Variants in NKD2 observed in about 807,000 individuals in gnomAD.
NKD2 encodes protein naked cuticle homolog 2.
A neutral mutation model predicts 34.8 loss-of-function variants in NKD2; 43 were observed. That is an observed-to-expected ratio of 1.24 (90% CI 0.97 to 1.60). The LOEUF (loss-of-function observed/expected upper bound fraction) is 1.60, where lower values mean the gene tolerates loss of function less well. Among genes scored for constraint, NKD2 ranks in the 40% most tolerant of loss-of-function variants. NKD2 has a pLI of 0.00. For synonymous variants in NKD2, 278 were observed against 265.1 expected (o/e 1.05, Z -0.47); for missense variants, 675 against 627.1 (o/e 1.08, Z -0.82).
At chr5:1,016,381 G>A (rs141625030) in intron 3 of NKD2, among the ~76,000 whole-genome samples, 39 of 152,380 alleles carry the variant, frequency 2.6e-4, no homozygotes, top group Non-Finnish European at 4.7e-4. Flanking sequence ...CCTGTCCTGC[G>A]CAGAGCTGGA....
intron 3 of NKD2, among the ~76,000 whole-genome samples, chr5:1,018,135 A>G (rs1393591010): frequency 6.6e-6 from 1 of 152,102 alleles, no homozygotes; most frequent in Non-Finnish European, 1.5e-5. Context: ...AGGAAGAAGA[A>G]TGGCGGCCCC....
chr5:1,028,024 C>G (rs1244860160), intron 3 of NKD2, among the ~76,000 whole-genome samples: 1 of 152,218 alleles, frequency 6.6e-6, no homozygotes, highest in Non-Finnish European at 1.5e-5. Context: ...GGGGAACACA[C>G]TCCTTTTGAC....
chr5:1,037,472 G>C (rs1007169115), intron 9 of NKD2: 195 of 1,500,526 alleles, frequency 1.3e-4, no homozygotes, highest in Non-Finnish European at 1.7e-4. Context: ...AATCCTGGGG[G>C]CGCCCTCCCT....
intron 3 of NKD2, among the ~76,000 whole-genome samples, chr5:1,014,536 T>C (rs1755873575): frequency 6.6e-6 from 1 of 152,202 alleles, no homozygotes. Context: ...AGATTGGAAA[T>C]GCAGTTTCAT....
At chr5:1,019,361 C>T (rs182526730) in intron 3 of NKD2, among the ~76,000 whole-genome samples, 1 of 152,336 alleles carries the variant, frequency 6.6e-6, no homozygotes, top group East Asian at 1.9e-4. Flanking sequence ...ATTTTTACCT[C>T]TCACGCGGGG....
intron 4 of NKD2, 31 bp downstream of exon 4, chr5:1,032,243 C>G (rs1756674214): frequency 1.9e-6 from 3 of 1,566,236 alleles, no homozygotes; most frequent in Non-Finnish European, 2.6e-6. Flanking sequence ...CCTCCCTCCC[C>G]AAACTCACAG....
intron 3 of NKD2, among the ~76,000 whole-genome samples, chr5:1,027,966 G>A (rs1220421269): frequency 5.9e-5 from 9 of 152,238 alleles, no homozygotes; most frequent in Non-Finnish European, 1.3e-4. Context: ...GGTGGCTCTG[G>A]GGGGCAGTGG....
chr5:1,036,813 C>T lies in NKD2; in HGVS notation c.787+429C>T, dbSNP rs149580433. ...CAGTGTGGACAACAGGCAGTGTGGA[C>T]GGCAGGGCAGGCAGTGTGGACAACA... On this transcript the variant is annotated intron_variant, in intron 9 of 9. Coordinates refer to ENST00000296849, the MANE Select transcript of NKD2 (RefSeq NM_033120.4). 253 of 454,932 alleles carry T rather than the reference C, an allele frequency of 5.6e-4. 1 individual carries two copies. Among genetic ancestry groups the T allele is most frequent in the African/African-American group, 3.7e-3 (184 of 49,414 alleles). The allele number at this position is 454,932 out of a possible 1,614,324, so 28.2% of individuals were successfully genotyped here. A position where few individuals can be genotyped will look rare whatever the true frequency, so the allele number is the denominator to read the frequency against.
chr5:1,020,706 G>T (rs1404167498), intron 3 of NKD2, among the ~76,000 whole-genome samples: 5 of 138,338 alleles, frequency 3.6e-5, no homozygotes, highest in Non-Finnish European at 6.1e-5. Context: ...TGTGTTTTAC[G>T]TTGGGGTTTA....
chr5:1,034,810 C>A lies in NKD2; in HGVS notation c.481C>A (p.His161Asn). Residue 161 changes from histidine (H) to asparagine (N), a missense_variant, in exon 7 of 10, where the codon CAC becomes AAC. Transcript: ENST00000296849. Reference protein sequence around the residue: ...IYEVVDASVNHSSGSSKTLRV... With the variant: ...IYEVVDASVNNSSGSSKTLRV... ...TGAGGTCGTGGATGCCTCGGTCAACCACTCCTCGGGCAGCAGCAAGACCCT... is the reference window on the plus strand; with the variant it reads ...TGAGGTCGTGGATGCCTCGGTCAACAACTCCTCGGGCAGCAGCAAGACCCT... 1 of 1,612,826 alleles carries A rather than the reference C, an allele frequency of 6.2e-7. No homozygotes were observed.
chr5:1,035,837 T>C (rs545255344), intron 8 of NKD2: 5 of 366,976 alleles, frequency 1.4e-5, no homozygotes, highest in Admixed American at 8.9e-5. Context: ...GGGGCAGTGG[T>C]TGGGGGTGGC....
Position 1,038,241 on chromosome 5 carries a change from CGAG to C in NKD2, c.1226_1228del (p.Glu409del), listed in dbSNP as rs755057550. Reference sequence around the variant, plus strand: ...ACGCTCAGCCTGCCACAGTGGAGCACGAGGTGGTGCGGGACCTGCCGCCCACGC... The same window carrying C: ...ACGCTCAGCCTGCCACAGTGGAGCACGTGGTGCGGGACCTGCCGCCCACGC... On this transcript the variant is annotated inframe_deletion, in exon 10 of 10. Coordinates refer to ENST00000296849, the MANE Select transcript of NKD2 (RefSeq NM_033120.4). This position sits in a 1 kb window ranked among gnomAD's most constrained non-coding sequence, Gnocchi z 4.5. The C allele has an allele frequency of 5.4e-5, 86 of 1,588,442 alleles. No homozygotes were observed. The highest frequency in any genetic ancestry group is 7.0e-5 in the Non-Finnish European group (82 of 1,170,388).
chr5:1,033,738 C>G (rs2150747643), intron 5 of NKD2, among the ~76,000 whole-genome samples: 1 of 152,354 alleles, frequency 6.6e-6, no homozygotes, highest in Non-Finnish European at 1.5e-5. Context: ...GGTCTGGCAT[C>G]AAATAACTTG....
intron 9 of NKD2, 26 bp downstream of exon 9, chr5:1,036,410 G>A (rs377516637): frequency 7.5e-6 from 12 of 1,598,750 alleles, no homozygotes; most frequent in Middle Eastern, 1.7e-4. Context: ...CACCCTGGGC[G>A]TGAGGCCCTG....
At position 1,037,840 on chromosome 5, in the gene NKD2, G is replaced by A; in HGVS notation, c.823G>A (p.Gly275Ser). The A allele has an allele frequency of 1.3e-6, 2 of 1,590,944 alleles. No homozygotes were observed. The highest frequency in any genetic ancestry group is 8.5e-7 in the Non-Finnish European group (1 of 1,172,346). ...PPVQAKQEPQ[G>S]RASHLQARSR... ...TGTGCAAGCAAAGCAGGAGCCCCAG[G>A]GCAGGGCCTCGCACCTCCAGGCCCG... Residue 275 changes from glycine (G) to serine (S), a missense_variant, in exon 10 of 10, where the codon GGC becomes AGC. Coordinates refer to ENST00000296849, the MANE Select transcript of NKD2 (RefSeq NM_033120.4).
intron 3 of NKD2, among the ~76,000 whole-genome samples, chr5:1,025,864 C>T (rs1471307771): frequency 4.9e-5 from 5 of 102,158 alleles, no homozygotes; most frequent in African/African-American, 1.5e-4. Flanking sequence ...TCTTCCCACC[C>T]GCTGTGGGCG....
chr5:1,013,784 C>T (rs1560982946), intron 3 of NKD2, among the ~76,000 whole-genome samples: 1 of 152,168 alleles, frequency 6.6e-6, no homozygotes, highest in Admixed American at 6.5e-5. Context: ...ATGGTGGAGG[C>T]CGGAGGCTGG....
At position 1,033,818 on chromosome 5, in the gene NKD2, C is replaced by T. The variant is rs1391945978; in HGVS notation, c.330+319C>T. On this transcript the variant is annotated intron_variant, in intron 5 of 9. Transcript: ENST00000296849. ...GCCAAAGCTGACTTGACGGACAGCC[C>T]GACTCTCTGCCCGCTGGAGGCAGGG... Among the ~76,000 whole-genome samples the T allele has an allele frequency of 2.0e-5, 3 of 152,336 alleles. 1 individual carries two copies. Among genetic ancestry groups the T allele is most frequent in the South Asian group, 4.1e-4 (2 of 4,828 alleles).
chr5:1,038,437 G>T lies in NKD2; in HGVS notation c.*64G>T, dbSNP rs1199433898. 1.3e-6 allele frequency: 2 copies of T among 1,535,552 alleles called. No homozygotes were observed. The highest frequency in any genetic ancestry group is 8.7e-7 in the Non-Finnish European group (1 of 1,146,644). On this transcript the variant is annotated 3_prime_UTR_variant, in exon 10 of 10. Transcript: ENST00000296849. The surrounding 1 kb of genome is among the most constrained non-coding windows in gnomAD (Gnocchi z 4.5). ...GCCCGCGACCTCAGGGCAGGGAGCAGAGCAGCTGCCGGCTGTGTGCCCATG... is the reference window on the plus strand; with the variant it reads ...GCCCGCGACCTCAGGGCAGGGAGCATAGCAGCTGCCGGCTGTGTGCCCATG...
Sources: allele counts gnomAD v4.1 joint callset (sites outside exome capture counted in the v4.1 genomes callset), GRCh38; gene constraint gnomAD v4.1.1; non-coding constraint Gnocchi (gnomAD v3.1); transcripts MANE v1.5; gene names NCBI Gene and HGNC (gene_info 2026-07-23, HGNC 2026-07-21).